The following MEIOB variants were observed in gnomAD, a reference collection of about 807,000 sequenced individuals.
MEIOB encodes meiosis-specific with OB domain-containing protein.
A neutral mutation model predicts 53.1 loss-of-function variants in MEIOB; 50 were observed. That is an observed-to-expected ratio of 0.94 (90% confidence interval 0.75 to 1.19). MEIOB has a LOEUF of 1.19. MEIOB is among the 50% of genes most tolerant of loss of function. The pLI is 0.00. For missense variants in MEIOB, 551 were observed against 550.8 expected, an observed-to-expected ratio of 1.00 and a Z score of 0.00; for synonymous variants, 192 against 182.5, an observed-to-expected ratio of 1.05 and a Z score of -0.42.
chr16:1,865,117 C>T (rs1899550565), intron 3 of MEIOB, among the ~76,000 whole-genome samples: 1 of 152,016 alleles, frequency 6.6e-6, no homozygotes, highest in African/African-American at 2.4e-5. Context: ...GACTCTGTCT[C>T]TACAAATTTT....
At chr16:1,859,759 A>T (rs1475924452) in intron 5 of MEIOB, among the ~76,000 whole-genome samples, 1 of 152,056 alleles carries the variant, frequency 6.6e-6, no homozygotes, top group Non-Finnish European at 1.5e-5. Context: ...AGCCCTTTAC[A>T]GGCTGGTACA....
chr16:1,841,315 G>A (rs1596965654), intron 11 of MEIOB, among the ~76,000 whole-genome samples: 6 of 152,202 alleles, frequency 3.9e-5, no homozygotes, highest in Admixed American at 3.9e-4. Context: ...ACCGTGCCCG[G>A]CCTGCAGTTT....
chr16:1,839,752 C>A (rs1478476668), intron 11 of MEIOB: 2 of 269,438 alleles, frequency 7.4e-6, no homozygotes, highest in Non-Finnish European at 1.4e-5. Context: ...TCCCAGCCTG[C>A]AGCCTTTCTC....
chr16:1,863,745 T>G (rs1399913586), intron 3 of MEIOB, among the ~76,000 whole-genome samples: 1 of 147,786 alleles, frequency 6.8e-6, no homozygotes, highest in Non-Finnish European at 1.5e-5. Flanking sequence ...AAAAATAAAT[T>G]TTAAAAATAA....
chr16:1,871,735 A>G (rs985561819), intron 1 of MEIOB, among the ~76,000 whole-genome samples: 8 of 146,830 alleles, frequency 5.4e-5, no homozygotes, highest in African/African-American at 1.8e-4. Context: ...TGAGGTGGGC[A>G]GATCGCGAGG....
intron 10 of MEIOB, among the ~76,000 whole-genome samples, chr16:1,843,280 G>A (rs866806577): frequency 4.0e-5 from 6 of 150,130 alleles, no homozygotes; most frequent in African/African-American, 4.9e-5. Context: ...GCGACAGAGC[G>A]AGACTCCATC....
intron 13 of MEIOB, among the ~76,000 whole-genome samples, chr16:1,837,020 G>C (rs1373825283): frequency 2.0e-5 from 3 of 152,128 alleles, no homozygotes; most frequent in Non-Finnish European, 2.9e-5. Context: ...CCCAGTGCAA[G>C]TGGCAACACT....
At chr16:1,842,940 G>T (rs1052951854) in intron 10 of MEIOB, among the ~76,000 whole-genome samples, 3 of 149,596 alleles carry the variant, frequency 2.0e-5, no homozygotes, top group African/African-American at 7.3e-5. Context: ...GGGATTACAG[G>T]CGTGAGCCAC....
At chr16:1,865,666 T>G (rs1016862497) in intron 3 of MEIOB, 112 bp downstream of exon 3, 28 of 721,916 alleles carry the variant, frequency 3.9e-5, no homozygotes, top group Non-Finnish European at 2.3e-6. Flanking sequence ...GCATGACCAT[T>G]GCTCTTAAGG....
At chr16:1,855,061 T>C (rs1480462833) in intron 6 of MEIOB, among the ~76,000 whole-genome samples, 1 of 151,692 alleles carries the variant, frequency 6.6e-6, no homozygotes, top group Non-Finnish European at 1.5e-5. Flanking sequence ...GTTGGGAAGG[T>C]GGAGAACACT....
At chr16:1,844,436 T>C (rs1898983415) in intron 10 of MEIOB, among the ~76,000 whole-genome samples, 1 of 151,874 alleles carries the variant, frequency 6.6e-6, no homozygotes, top group African/African-American at 2.4e-5. Flanking sequence ...GCATTCTGTA[T>C]TGTGTTTCTT....
intron 9 of MEIOB, among the ~76,000 whole-genome samples, chr16:1,849,552 A>AAAAAAAAAAAAC: frequency 6.6e-6 from 1 of 150,670 alleles, no homozygotes. Context: ...TCTCAAAAAA[A>AAAAAAAAAAAAC]AAAAACACCT....
chr16:1,862,610 A>T (rs1246341758), intron 3 of MEIOB, among the ~76,000 whole-genome samples: 1 of 152,090 alleles, frequency 6.6e-6, no homozygotes, highest in East Asian at 1.9e-4. Context: ...ACAGAGCAAG[A>T]CCCCGTCCCA....
At position 1,834,316 on chromosome 16, in the gene MEIOB, C is replaced by A. The variant is rs200103329; in HGVS notation, c.1356G>T (p.Ser452=). The A allele has an allele frequency of 6.2e-7, 1 of 1,613,046 alleles. No homozygotes were observed. The highest frequency in any genetic ancestry group is 8.5e-7 in the Non-Finnish European group (1 of 1,179,352). ...CCTCAGTAGGATCTGCAAGCTTGCA[C>A]GAGAGTACACTAATTTTCAATCCAC... is the stretch of plus-strand genomic sequence containing the variant. ...ARSGLKISVL[S]CKLADPTEAS... The change falls in exon 14 of 14, where the codon TCG becomes TCT. Residue 452 remains serine, a synonymous_variant. Transcript: ENST00000325962.
chr16:1,862,402 T>C (rs1899469896), intron 3 of MEIOB, among the ~76,000 whole-genome samples: 1 of 152,192 alleles, frequency 6.6e-6, no homozygotes, highest in South Asian at 2.1e-4. Context: ...GGGAAAAACA[T>C]GTAAACTTGA....
chr16:1,861,328 C>G (rs940447776), intron 4 of MEIOB, among the ~76,000 whole-genome samples: 1 of 152,220 alleles, frequency 6.6e-6, no homozygotes, highest in African/African-American at 2.4e-5. Flanking sequence ...TTATCAAAAT[C>G]TATTCAGTGG....
In MEIOB at chr16:1,862,010, A is replaced by G. The variant is rs1447476373; in HGVS notation, c.234T>C (p.Ser78=). 1.3e-6 allele frequency: 2 copies of G among 1,551,452 alleles called. No homozygotes were observed. The highest frequency in any genetic ancestry group is 3.9e-5 in the Admixed American group (2 of 50,962). The change falls in exon 4 of 14, where the codon TCT becomes TCC. Residue 78 remains serine (S), a synonymous_variant. Coordinates refer to ENST00000325962, the MANE Select transcript of MEIOB (RefSeq NM_001163560.3). ...WGNEDYIKSL[S]DSFRVGDCVI... The stretch of plus-strand genomic sequence containing the variant: ...CACAGTCACCAACCCTAAAGCTGTC[A>G]GAAAGAGACTTGATGTAATCTTCAT...
intron 1 of MEIOB, among the ~76,000 whole-genome samples, chr16:1,871,393 G>A (rs1409507697): frequency 9.5e-6 from 1 of 105,504 alleles, no homozygotes; most frequent in Non-Finnish European, 2.0e-5. Flanking sequence ...CTAATTTTTT[G>A]TATTTTTAGT....
rs759802731 is a variant in MEIOB, at chr16:1,853,005, C to T, written c.778+34G>A. On this transcript the variant is annotated intron_variant, in intron 9 of 13. Transcript: ENST00000325962. ...AATATTGAAATGTGTTCAGTCATTT[C>T]CAAAGGGATAAAAGGTTTCACAAAG... 1.6e-5 allele frequency: 21 copies of T among 1,287,454 alleles called. No individual in the cohort carries two copies. In the Admixed American group the frequency reaches 3.3e-4, roughly 20 times the overall value. The allele number at this position is 1,287,454 out of a possible 1,614,324, so 79.8% of individuals were successfully genotyped here. A position where few individuals can be genotyped will look rare whatever the true frequency, so the allele number is the denominator to read the frequency against.
Sources: gnomAD v4.1 joint callset for allele counts (sites outside exome capture counted in the v4.1 genomes callset) on GRCh38, gnomAD v4.1.1 for gene constraint, MANE v1.5 for transcripts, NCBI Gene and HGNC (gene_info 2026-07-23, HGNC 2026-07-21) for gene names.